The following SLC9A9 variants were observed in gnomAD, a reference collection of about 807,000 sequenced individuals.
The protein encoded by SLC9A9 is solute carrier family 9 member A9.
SLC9A9 carries 62 observed loss-of-function variants against 77.8 expected under a neutral mutation model. The ratio of observed to expected loss-of-function variants is 0.80; its 90% CI spans 0.65 to 0.98. The LOEUF is 0.98. SLC9A9 is among the 50% of genes least tolerant of loss of function. The pLI is 0.00. For synonymous variants in SLC9A9, 320 were observed against 283.5 expected (o/e 1.13, Z -1.29); for missense variants, 775 against 774.9 (o/e 1.00, Z 0.00).
chr3:143,563,973 T>C (rs957727012), intron 8 of SLC9A9, among the ~76,000 whole-genome samples: 12 of 152,176 alleles, frequency 7.9e-5, no homozygotes, highest in African/African-American at 2.9e-4. Flanking sequence ...GCTAGGTTCC[T>C]GACCTGCTGT....
Position 143,520,484 on chromosome 3 carries a change from A to G in SLC9A9, c.1090-25036T>C, listed in dbSNP as rs1274161259. Among the ~76,000 whole-genome samples, 4 of 152,228 alleles carry G rather than the reference A, an allele frequency of 2.6e-5. No individual in the cohort carries two copies. The East Asian group carries it at 7.7e-4, about 29-fold the overall frequency. ...AATGTAAGACATAACTGTTGTTTAAACTACCCAGTGGTATTCTGTTATAGC... is the reference window on the plus strand; with the variant it reads ...AATGTAAGACATAACTGTTGTTTAAGCTACCCAGTGGTATTCTGTTATAGC... On this transcript the variant is annotated intron_variant, in intron 9 of 15. Coordinates refer to ENST00000316549, the MANE Select transcript of SLC9A9 (RefSeq NM_173653.4).
At position 143,728,353 on chromosome 3, in the gene SLC9A9, A is replaced by G. The variant is rs114053129; in HGVS notation, c.534-35046T>C. ...CTGCAATGAGAAGGATAAGAAGGAG[A>G]AAGTAATGTGAAGATCTAGGAGAAG... On this transcript the variant is annotated intron_variant, in intron 4 of 15. Transcript: ENST00000316549. Among the ~76,000 whole-genome samples, 1,296 of 152,204 alleles carry G rather than the reference A, an allele frequency of 8.5e-3. 24 individuals are homozygous for G. Among genetic ancestry groups the G allele is most frequent in the African/African-American group, 0.03 (1,239 of 41,524 alleles).
At chr3:143,695,405 A>T (rs1933604771) in intron 4 of SLC9A9, among the ~76,000 whole-genome samples, 1 of 151,940 alleles carries the variant, frequency 6.6e-6, no homozygotes, top group Admixed American at 6.6e-5. Context: ...CTCATTGTTC[A>T]GCTCCCACTT....
At chr3:143,779,452 A>G (rs534826082) in intron 4 of SLC9A9, among the ~76,000 whole-genome samples, 1 of 151,904 alleles carries the variant, frequency 6.6e-6, no homozygotes, top group East Asian at 1.9e-4. Flanking sequence ...GCTCACTGCA[A>G]CCTCCTCCTC....
chr3:143,446,709 A>G (rs2034849674), intron 12 of SLC9A9, among the ~76,000 whole-genome samples: 1 of 152,178 alleles, frequency 6.6e-6, no homozygotes, highest in Admixed American at 6.6e-5. Flanking sequence ...GTGGGAGTAC[A>G]AAGCAGGAAA....
chr3:143,734,990 T>TCTGG (rs1377751886), intron 4 of SLC9A9, among the ~76,000 whole-genome samples: 1 of 152,200 alleles, frequency 6.6e-6, no homozygotes, highest in African/African-American at 2.4e-5. Context: ...ATTGATTCAA[T>TCTGG]CTGGCCACAG....
At chr3:143,718,520 C>T (rs1211633231) in intron 4 of SLC9A9, among the ~76,000 whole-genome samples, 1 of 152,220 alleles carries the variant, frequency 6.6e-6, no homozygotes, top group Non-Finnish European at 1.5e-5. Context: ...TCAGGTTCAG[C>T]TGTGTCCCAG....
chr3:143,696,732 G>A (rs1186968099), intron 4 of SLC9A9, among the ~76,000 whole-genome samples: 3 of 152,040 alleles, frequency 2.0e-5, no homozygotes, highest in Non-Finnish European at 4.4e-5. Flanking sequence ...GGAATCTGAG[G>A]CTCAGAGTTA....
At chr3:143,518,754 G>T (rs1559950031) in intron 9 of SLC9A9, among the ~76,000 whole-genome samples, 1 of 152,184 alleles carries the variant, frequency 6.6e-6, no homozygotes, top group Non-Finnish European at 1.5e-5. Flanking sequence ...TAAATAAGTG[G>T]AAATGTGTTT....
intron 2 of SLC9A9, among the ~76,000 whole-genome samples, chr3:143,805,715 G>A (rs1251517613): frequency 1.3e-5 from 2 of 151,934 alleles, no homozygotes; most frequent in African/African-American, 4.8e-5. Flanking sequence ...CCCCCACTGA[G>A]CACCTTGTGT....
intron 8 of SLC9A9, among the ~76,000 whole-genome samples, chr3:143,566,053 G>C (rs1296074684): frequency 6.6e-6 from 1 of 152,084 alleles, no homozygotes; most frequent in Non-Finnish European, 1.5e-5. Flanking sequence ...GCCCAAGTGA[G>C]AAATGATGAG....
intron 5 of SLC9A9, among the ~76,000 whole-genome samples, chr3:143,657,187 C>A (rs1157479684): frequency 6.6e-6 from 1 of 152,144 alleles, no homozygotes; most frequent in Non-Finnish European, 1.5e-5. Context: ...AAGACTAACC[C>A]TTCTGAGTTA....
chr3:143,318,713 C>T lies in SLC9A9; in HGVS notation c.1604+44771G>A, dbSNP rs547399476. 2.6e-5 allele frequency among the ~76,000 whole-genome samples: 4 copies of T among 152,132 alleles called. No individual in the cohort carries two copies. In the South Asian group the frequency reaches 6.2e-4, roughly 24 times the overall value. ...CATTCCTGGGCCTTTACTCAACCTG[C>T]GATACCCAGTTCTGCTACCTGCCTG... On this transcript the variant is annotated intron_variant, in intron 14 of 15. Coordinates refer to ENST00000316549, the MANE Select transcript of SLC9A9 (RefSeq NM_173653.4).
chr3:143,312,018 T>G (rs2031036624), intron 14 of SLC9A9, among the ~76,000 whole-genome samples: 1 of 152,232 alleles, frequency 6.6e-6, no homozygotes, highest in Non-Finnish European at 1.5e-5. Flanking sequence ...AAACAAAGCA[T>G]TAAGCTCAGA....
intron 12 of SLC9A9, among the ~76,000 whole-genome samples, chr3:143,424,511 T>G (rs2034368723): frequency 6.6e-6 from 1 of 151,934 alleles, no homozygotes; most frequent in South Asian, 2.1e-4. Flanking sequence ...TCTCCTGACC[T>G]CATGATCCAC....
chr3:143,283,712 C>T, intron 14 of SLC9A9, among the ~76,000 whole-genome samples: 1 of 152,150 alleles, frequency 6.6e-6, no homozygotes, highest in East Asian at 1.9e-4. Context: ...GGTCTAGACC[C>T]CTTTCAGAGT....
chr3:143,353,366 G>A (rs1279842287), intron 14 of SLC9A9, among the ~76,000 whole-genome samples: 1 of 152,190 alleles, frequency 6.6e-6, no homozygotes, highest in East Asian at 1.9e-4. Flanking sequence ...GGTAATGCGA[G>A]TTCTGCCCTC....
chr3:143,426,476 G>A (rs2034410363), intron 12 of SLC9A9, among the ~76,000 whole-genome samples: 1 of 152,160 alleles, frequency 6.6e-6, no homozygotes. Flanking sequence ...CCAGCTCAGA[G>A]TTTATTGATT....
At chr3:143,531,634 C>T (rs1190647101) in intron 9 of SLC9A9, among the ~76,000 whole-genome samples, 4 of 152,074 alleles carry the variant, frequency 2.6e-5, no homozygotes, top group African/African-American at 9.7e-5. Context: ...TTAAGAGAAA[C>T]ATTAGGAAAA....
Sources: allele counts gnomAD v4.1 joint callset (sites outside exome capture counted in the v4.1 genomes callset), GRCh38; gene constraint gnomAD v4.1.1; transcripts MANE v1.5; gene names NCBI Gene and HGNC (gene_info 2026-07-23, HGNC 2026-07-21).